The following APBA1 variants were observed in gnomAD, a reference collection of about 807,000 sequenced individuals.
APBA1 encodes amyloid-beta A4 precursor protein-binding family A member 1.
In APBA1, 55 loss-of-function variants were observed where a neutral mutation model predicts 86.6. The ratio of observed to expected loss-of-function variants is 0.64; its 90% CI spans 0.51 to 0.80. The LOEUF (loss-of-function observed/expected upper bound fraction) is 0.80, where lower values mean the gene tolerates loss of function less well. APBA1 is among the 30% of genes least tolerant of loss of function. The pLI, the probability that APBA1 is intolerant of heterozygous loss-of-function variation, is 0.00. For synonymous variants in APBA1, 511 were observed against 493.9 expected (o/e 1.03, Z -0.46); for missense variants, 1,090 against 1,183.0 (o/e 0.92, Z 1.15).
At position 69,524,709 on chromosome 9, in the gene APBA1, A is replaced by G. The variant is rs115472183; in HGVS notation, c.-69-7430T>C. Among the ~76,000 whole-genome samples the G allele has an allele frequency of 7.8e-3, 1,192 of 152,160 alleles. 20 individuals carry two copies. Among genetic ancestry groups the G allele is most frequent in the African/African-American group, 0.028 (1,145 of 41,546 alleles). On this transcript the variant is annotated intron_variant, in intron 1 of 12. Transcript: ENST00000265381. ...TGAAACTATTACAAAAATTATGGAG[A>G]AGGGACTCCCTAACTCATTCCACAA...
chr9:69,483,584 G>C (rs562866666), intron 2 of APBA1, among the ~76,000 whole-genome samples: 5 of 152,156 alleles, frequency 3.3e-5, no homozygotes, highest in African/African-American at 1.2e-4. Context: ...AATATAAAGG[G>C]CCACAAATGA....
At chr9:69,461,541 C>T (rs1469561406) in intron 5 of APBA1, 3 of 152,184 alleles carry the variant, frequency 2.0e-5, no homozygotes, top group Admixed American at 6.5e-5. Flanking sequence ...CTGTGAGCTA[C>T]TACCCTGCTA....
intron 1 of APBA1, among the ~76,000 whole-genome samples, chr9:69,665,584 G>A (rs1419375769): frequency 6.6e-6 from 1 of 152,158 alleles, no homozygotes; most frequent in Non-Finnish European, 1.5e-5. Flanking sequence ...GAGTCAGTCT[G>A]TGTTATAGAG....
intron 2 of APBA1, among the ~76,000 whole-genome samples, chr9:69,492,416 C>T (rs2133862342): frequency 6.6e-6 from 1 of 151,826 alleles, no homozygotes; most frequent in Non-Finnish European, 1.5e-5. Flanking sequence ...CAACAAACAC[C>T]CACGGGGATG....
intron 1 of APBA1, among the ~76,000 whole-genome samples, chr9:69,637,344 C>T (rs1823200496): frequency 6.6e-6 from 1 of 151,978 alleles, no homozygotes; most frequent in Non-Finnish European, 1.5e-5. Context: ...ATTTATTATG[C>T]CTTTTAAAGT....
intron 1 of APBA1, among the ~76,000 whole-genome samples, chr9:69,641,972 A>C (rs1823294545): frequency 6.6e-6 from 1 of 152,124 alleles, no homozygotes; most frequent in South Asian, 2.1e-4. Flanking sequence ...CAGCCTCCCA[A>C]GTAGTTGGGA....
At chr9:69,454,967 T>C (rs1273723131) in intron 8 of APBA1, among the ~76,000 whole-genome samples, 1 of 152,168 alleles carries the variant, frequency 6.6e-6, no homozygotes, top group Non-Finnish European at 1.5e-5. Flanking sequence ...CCAGTGACCT[T>C]GTCCTGTGCT....
At chr9:69,466,228 C>T (rs554554284) in intron 5 of APBA1, among the ~76,000 whole-genome samples, 1 of 152,228 alleles carries the variant, frequency 6.6e-6, no homozygotes, top group Non-Finnish European at 1.5e-5. Flanking sequence ...AGGAGGAAGC[C>T]ATGAGAGGGA....
intron 1 of APBA1, among the ~76,000 whole-genome samples, chr9:69,520,371 T>C (rs1362848947): frequency 6.6e-6 from 1 of 152,180 alleles, no homozygotes; most frequent in Non-Finnish European, 1.5e-5. Context: ...ATGAATTAAA[T>C]TCTTCAAAAG....
At chr9:69,475,010 C>T (rs1835420128) in intron 3 of APBA1, among the ~76,000 whole-genome samples, 1 of 152,104 alleles carries the variant, frequency 6.6e-6, no homozygotes, top group Admixed American at 6.5e-5. Flanking sequence ...GAGAGAGCAG[C>T]TATATTTAGA....
chr9:69,551,910 A>G (rs1425623227), intron 1 of APBA1, among the ~76,000 whole-genome samples: 1 of 152,206 alleles, frequency 6.6e-6, no homozygotes, highest in Non-Finnish European at 1.5e-5. Flanking sequence ...TAAAACTTTA[A>G]TGCCTACTCT....
intron 12 of APBA1, 126 bp downstream of exon 12, chr9:69,432,410 G>A: frequency 1.1e-6 from 1 of 915,124 alleles, no homozygotes; most frequent in Non-Finnish European, 1.5e-6. Context: ...TGCTTGTTGG[G>A]GAGTGTTCAG....
At chr9:69,520,565 G>A (rs538497832) in intron 1 of APBA1, among the ~76,000 whole-genome samples, 174 of 152,280 alleles carry the variant, frequency 1.1e-3, no homozygotes, top group African/African-American at 4.1e-3. Context: ...GTTATATTGT[G>A]ATCAGAAAGA....
intron 9 of APBA1, among the ~76,000 whole-genome samples, chr9:69,451,665 G>A (rs929630941): frequency 2.6e-5 from 4 of 152,108 alleles, no homozygotes; most frequent in African/African-American, 9.7e-5. Flanking sequence ...AGGCATTCCT[G>A]AATAGCTCAG....
intron 2 of APBA1, among the ~76,000 whole-genome samples, chr9:69,506,267 G>T (rs1183084478): frequency 6.6e-6 from 1 of 151,322 alleles, no homozygotes; most frequent in Non-Finnish European, 1.5e-5. Flanking sequence ...AAGTGCAAGG[G>T]GTCAGGGAGT....
intron 1 of APBA1, among the ~76,000 whole-genome samples, chr9:69,669,548 G>C (rs1823907684): frequency 6.6e-6 from 1 of 152,158 alleles, no homozygotes; most frequent in South Asian, 2.1e-4. Context: ...CCGATCTTTA[G>C]AAAAGCCAGA....
At chr9:69,657,505 A>C (rs1292607687) in intron 1 of APBA1, among the ~76,000 whole-genome samples, 1 of 152,238 alleles carries the variant, frequency 6.6e-6, no homozygotes, top group Non-Finnish European at 1.5e-5. Flanking sequence ...TGTGAAAGAC[A>C]GAAGTCCCCC....
At chr9:69,513,159 T>G (rs956605220) in intron 2 of APBA1, among the ~76,000 whole-genome samples, 3 of 152,242 alleles carry the variant, frequency 2.0e-5, no homozygotes, top group Admixed American at 6.5e-5. Context: ...TTTCTTAGCA[T>G]CAAGCTGATT....
chr9:69,488,996 G>A (rs1365690386), intron 2 of APBA1, among the ~76,000 whole-genome samples: 1 of 152,046 alleles, frequency 6.6e-6, no homozygotes, highest in African/African-American at 2.4e-5. Flanking sequence ...CAAACAAATG[G>A]AAGAACATTC....
Sources: allele counts gnomAD v4.1 joint callset (sites outside exome capture counted in the v4.1 genomes callset), GRCh38; gene constraint gnomAD v4.1.1; transcripts MANE v1.5; gene names NCBI Gene and HGNC (gene_info 2026-07-23, HGNC 2026-07-21).